The following NCAPD3 variants were observed in gnomAD, a reference collection of about 807,000 sequenced individuals.
NCAPD3 encodes the protein non-SMC condensin II complex subunit D3.
In NCAPD3, 105 loss-of-function variants were observed where a neutral mutation model predicts 182.9. That is an observed-to-expected ratio of 0.57 (90% CI 0.49 to 0.68). NCAPD3 has a LOEUF of 0.68. NCAPD3 is among the 30% of genes least tolerant of loss of function. The probability of loss-of-function intolerance (pLI) is 0.00; values close to 1 mark genes in which losing one functional copy is unlikely to be tolerated. For missense variants in NCAPD3, 1,944 were observed against 1,837.0 expected, an observed-to-expected ratio of 1.06 and a Z score of -1.07; for synonymous variants, 815 against 679.9, an observed-to-expected ratio of 1.20 and a Z score of -3.09.
intron 27 of NCAPD3, among the ~76,000 whole-genome samples, chr11:134,165,927 G>A (rs1943774499): frequency 1.6e-5 from 2 of 127,050 alleles, no homozygotes; most frequent in African/African-American, 3.1e-5. Flanking sequence ...TGAGCTTGGG[G>A]GAGCAGCACA....
chr11:134,223,886 C>G lies in NCAPD3; in HGVS notation c.41G>C (p.Trp14Ser). ...LRGLGSGLQP[W>S]CPLDLRLEWV... ...ACCGAGTCTAAGATCCAGCGGACAC[C>G]AGGGCTGCAGGCCGCTACCAAGGCC... The change falls in exon 1 of 35, where the codon TGG becomes TCG. Residue 14 changes from tryptophan (W) to serine (S), a missense_variant. Trp to Ser is a radical substitution (Grantham distance 177). Transcript: ENST00000534548. 3 of 1,612,742 alleles carry G rather than the reference C, an allele frequency of 1.9e-6. No homozygotes were observed. Among genetic ancestry groups the G allele is most frequent in the Non-Finnish European group, 2.5e-6 (3 of 1,179,836 alleles).
At chr11:134,175,055 C>G (rs1183350919) in intron 24 of NCAPD3, among the ~76,000 whole-genome samples, 1 of 152,160 alleles carries the variant, frequency 6.6e-6, no homozygotes, top group Non-Finnish European at 1.5e-5. Flanking sequence ...AGAAGAGGCC[C>G]TGGTAATCTT....
intron 13 of NCAPD3, among the ~76,000 whole-genome samples, chr11:134,202,534 C>T (rs977328481): frequency 3.9e-5 from 6 of 152,080 alleles, no homozygotes; most frequent in Admixed American, 6.6e-5. Flanking sequence ...CACACCACCA[C>T]GCCCAGCTGA....
chr11:134,174,199 T>A (rs1266383530), intron 24 of NCAPD3, among the ~76,000 whole-genome samples: 1 of 151,332 alleles, frequency 6.6e-6, no homozygotes, highest in African/African-American at 2.4e-5. Context: ...GAGACCAGCC[T>A]GGCAAAAACG....
chr11:134,224,879 C>T (rs866084765), upstream of NCAPD3: 19 of 177,294 alleles, frequency 1.1e-4, no homozygotes, highest in South Asian at 3.0e-3. Context: ...GGGCACTGCT[C>T]CTCGGTGCAT....
At chr11:134,160,387 C>G (rs1179864135) in intron 28 of NCAPD3, among the ~76,000 whole-genome samples, 4 of 152,110 alleles carry the variant, frequency 2.6e-5, no homozygotes, top group African/African-American at 9.7e-5. Flanking sequence ...ACAGTTCTCT[C>G]TCTTAGGAAG....
At chr11:134,216,047 AGAG>A (rs1938010964) in intron 3 of NCAPD3, among the ~76,000 whole-genome samples, 1 of 152,216 alleles carries the variant, frequency 6.6e-6, no homozygotes, top group African/African-American at 2.4e-5. Context: ...GCATCTGGCA[AGAG>A]GAGAGTGAAA....
In NCAPD3 at chr11:134,223,935, G is replaced by A. The variant is rs777061517; in HGVS notation, c.-9C>T. ...CCCCGCAACGCCACCATGATCCCAG[G>A]GCACCGGCTCGCCGCCGCCGTGCTC... On this transcript the variant is annotated 5_prime_UTR_variant, in exon 1 of 35. Coordinates refer to ENST00000534548, the MANE Select transcript of NCAPD3 (RefSeq NM_015261.3). 10 of 1,611,750 alleles carry A rather than the reference G, an allele frequency of 6.2e-6. No individual in the cohort carries two copies. Among genetic ancestry groups the A allele is most frequent in the Middle Eastern group, 1.6e-4 (1 of 6,076 alleles).
At chr11:134,207,279 A>C (rs1166931682) in intron 7 of NCAPD3, among the ~76,000 whole-genome samples, 1 of 152,138 alleles carries the variant, frequency 6.6e-6, no homozygotes, top group Non-Finnish European at 1.5e-5. Context: ...TATATATAAA[A>C]TATACATTTA....
In NCAPD3 at chr11:134,192,956, G is replaced by A. The variant is rs773961876; in HGVS notation, c.1825-47C>T. ...CATGAGAAGGTCTAAATACAAGTCA[G>A]GGAAGTTGTGATCAACATTTTGAGA... On this transcript the variant is annotated intron_variant, in intron 15 of 34. Transcript: ENST00000534548. The A allele has an allele frequency of 3.7e-6, 4 of 1,073,016 alleles. No individual in the cohort carries two copies. The Admixed American group carries it at 7.4e-5, about 20-fold the overall frequency. 66.5% of individuals were successfully genotyped at this position (1,073,016 alleles called of 1,614,324 possible). A position where few individuals can be genotyped will look rare whatever the true frequency, so the allele number is the denominator to read the frequency against.
intron 13 of NCAPD3, among the ~76,000 whole-genome samples, chr11:134,201,664 C>G (rs1175542389): frequency 2.0e-5 from 3 of 152,166 alleles, no homozygotes; most frequent in Admixed American, 1.3e-4. Flanking sequence ...CTTTGCGTCC[C>G]CGAACTTTCA....
chr11:134,209,958 C>A (rs995788079), intron 4 of NCAPD3, among the ~76,000 whole-genome samples: 2 of 152,016 alleles, frequency 1.3e-5, no homozygotes, highest in Non-Finnish European at 2.9e-5. Flanking sequence ...CGGAAGGCTG[C>A]AGCAGGAGAA....
rs1326912574 is a variant in NCAPD3 at position 134,161,776 on chromosome 11, C to T, written c.3684+5G>A. On this transcript the variant is annotated splice_donor_5th_base_variant and intron_variant, in intron 28 of 34. Transcript: ENST00000534548. ...CAACCACAAAAGCACAGGCTCCACC[C>T]TTACCCTGAGATAGTGCATGAGTTC... The T allele has an allele frequency of 7.2e-6, 11 of 1,520,858 alleles. No individual in the cohort carries two copies. Among genetic ancestry groups the T allele is most frequent in the Non-Finnish European group, 1.0e-5 (11 of 1,099,704 alleles). The allele number at this position is 1,520,858 out of a possible 1,614,324, so 94.2% of individuals were successfully genotyped here.
rs1316828305 is a variant in NCAPD3 at position 134,168,519 on chromosome 11, G to A, written c.3323C>T (p.Thr1108Ile). The A allele has an allele frequency of 1.2e-6, 2 of 1,614,192 alleles. No individual in the cohort carries two copies. Among genetic ancestry groups the A allele is most frequent in the South Asian group, 1.1e-5 (1 of 91,078 alleles). ...AGTGATGTTGAATCGCTGTTCATCT[G>A]TGAAGTGCTCTAGAAGAAATTTGTA... The part of the protein sequence containing the change: ...KIYKFLLEHF[T>I]DEQRFNITSK... Residue 1108 changes from threonine (T) to isoleucine (I), a missense_variant, in exon 26 of 35, where the codon ACA (threonine) becomes ATA (isoleucine). Thr to Ile is a moderately conservative substitution (Grantham distance 89). This residue lies in a region of NCAPD3 where 1,803 missense variants were observed against 1,674.6 expected (regional missense o/e 1.08). Transcript: ENST00000534548.
At chr11:134,222,203 A>G (rs576887239) in intron 1 of NCAPD3, among the ~76,000 whole-genome samples, 5 of 152,248 alleles carry the variant, frequency 3.3e-5, no homozygotes, top group African/African-American at 1.2e-4. Context: ...CTCACTACCT[A>G]TTTTCTCAGC....
chr11:134,223,286 C>CA lies in NCAPD3; in HGVS notation c.64+576dup, dbSNP rs1481689543. On this transcript the variant is annotated intron_variant, in intron 1 of 34. Coordinates refer to ENST00000534548, the MANE Select transcript of NCAPD3 (RefSeq NM_015261.3). The stretch of plus-strand genomic sequence containing the variant: ...CAATTGCTCGAGGCTATGATGAAGG[C>CA]AGCAGCATCAGGAATGGAGCGGGGC... 6 of 616,796 alleles carry CA rather than the reference C, an allele frequency of 9.7e-6. No homozygotes were observed. The Admixed American group carries it at 1.3e-4, about 13-fold the overall frequency. 38.2% of individuals were successfully genotyped at this position (616,796 alleles called of 1,614,324 possible). A position where few individuals can be genotyped will look rare whatever the true frequency, so the allele number is the denominator to read the frequency against.
intron 16 of NCAPD3, among the ~76,000 whole-genome samples, chr11:134,191,418 T>C (rs1388773718): frequency 1.3e-5 from 2 of 152,210 alleles, no homozygotes; most frequent in Non-Finnish European, 2.9e-5. Context: ...AGAGATTGCA[T>C]GGTGGTTACA....
intron 24 of NCAPD3, among the ~76,000 whole-genome samples, chr11:134,171,369 G>A (rs1274161754): frequency 6.6e-6 from 1 of 152,136 alleles, no homozygotes; most frequent in African/African-American, 2.4e-5. Context: ...AGCCCAAAAG[G>A]CCACAAGGTA....
In NCAPD3 at chr11:134,220,876, A is replaced by G. The variant is rs202054419; in HGVS notation, c.65-150T>C. On this transcript the variant is annotated intron_variant, in intron 1 of 34. Coordinates refer to ENST00000534548, the MANE Select transcript of NCAPD3 (RefSeq NM_015261.3). ...TTAATAACATAGGTGTAGCATAATA[A>G]AAGAAAACCAGAAAAGGTTAAGAGA... is the stretch of plus-strand genomic sequence containing the variant. 8.7e-5 allele frequency: 56 copies of G among 646,456 alleles called. No individual in the cohort carries two copies. In the East Asian group the frequency reaches 1.5e-3, roughly 17 times the overall value. 40.0% of individuals were successfully genotyped at this position (646,456 alleles called of 1,614,324 possible). A position where few individuals can be genotyped will look rare whatever the true frequency, so the allele number is the denominator to read the frequency against.
Sources: gnomAD v4.1 joint callset for allele counts (sites outside exome capture counted in the v4.1 genomes callset) on GRCh38, gnomAD v4.1.1 for gene constraint, gnomAD v4.1.1 regional missense constraint, MANE v1.5 for transcripts, NCBI Gene and HGNC (gene_info 2026-07-23, HGNC 2026-07-21) for gene names.